The following FBXL17 variants were observed in gnomAD, a reference collection of about 807,000 sequenced individuals.
FBXL17 encodes the protein F-box/LRR-repeat protein 17.
FBXL17 carries 22 observed loss-of-function variants against 66.2 expected under a neutral mutation model. That is an observed-to-expected ratio of 0.33 (90% CI 0.24 to 0.47). The LOEUF is 0.47. Among genes scored for constraint, FBXL17 ranks in the 20% least tolerant of loss-of-function variants. The pLI, the probability that FBXL17 is intolerant of heterozygous loss-of-function variation, is 1.00. For missense variants in FBXL17, 878 were observed against 948.2 expected (o/e 0.93, Z 0.97); for synonymous variants, 474 against 400.5 (o/e 1.18, Z -2.19).
intron 7 of FBXL17, among the ~76,000 whole-genome samples, chr5:107,946,331 G>T (rs1282907952): frequency 1.8e-5 from 2 of 110,724 alleles, no homozygotes; most frequent in Non-Finnish European, 3.6e-5. Flanking sequence ...GTCTTGCTCT[G>T]CTGCCCAGGC....
intron 6 of FBXL17, among the ~76,000 whole-genome samples, chr5:108,084,918 T>C (rs1748913282): frequency 6.6e-6 from 1 of 152,244 alleles, no homozygotes; most frequent in South Asian, 2.1e-4. Flanking sequence ...ACAATTCCTA[T>C]ATGCCAGTTT....
intron 6 of FBXL17, among the ~76,000 whole-genome samples, chr5:108,183,744 T>C (rs932131436): frequency 6.6e-6 from 1 of 152,102 alleles, no homozygotes; most frequent in Non-Finnish European, 1.5e-5. Flanking sequence ...GGAGTTCCCA[T>C]GTCCATTATA....
chr5:108,047,359 C>T (rs1298887386), intron 6 of FBXL17, among the ~76,000 whole-genome samples: 1 of 152,198 alleles, frequency 6.6e-6, no homozygotes, highest in Admixed American at 6.5e-5. Flanking sequence ...CCTAGGGTCC[C>T]AACCCCAGAG....
chr5:108,009,288 T>TAG (rs1294587845), intron 7 of FBXL17, among the ~76,000 whole-genome samples: 2 of 28,754 alleles, frequency 7.0e-5, no homozygotes, highest in South Asian at 1.3e-3. Context: ...TATATATATA[T>TAG]ATATATATAT....
chr5:107,998,907 C>T (rs1379240136), intron 7 of FBXL17, among the ~76,000 whole-genome samples: 4 of 152,162 alleles, frequency 2.6e-5, no homozygotes, highest in Non-Finnish European at 4.4e-5. Flanking sequence ...ACACCTTACT[C>T]CAAACCCCCT....
intron 5 of FBXL17, among the ~76,000 whole-genome samples, chr5:108,211,551 T>C (rs1754372300): frequency 6.6e-6 from 1 of 152,244 alleles, no homozygotes; most frequent in Admixed American, 6.5e-5. Flanking sequence ...CATTTGCTTG[T>C]CTGTAAAGGA....
chr5:108,332,071 T>G (rs1760149199), intron 4 of FBXL17, among the ~76,000 whole-genome samples: 1 of 152,080 alleles, frequency 6.6e-6, no homozygotes, highest in Non-Finnish European at 1.5e-5. Context: ...TGATCAGACA[T>G]ATATACAAAT....
chr5:108,293,807 G>A (rs947131737), intron 4 of FBXL17, among the ~76,000 whole-genome samples: 1 of 151,904 alleles, frequency 6.6e-6, no homozygotes, highest in African/African-American at 2.4e-5. Context: ...TTGGGAGGCC[G>A]AGGTGGGTTG....
intron 7 of FBXL17, among the ~76,000 whole-genome samples, chr5:107,885,795 T>G (rs1302438348): frequency 1.3e-5 from 2 of 151,926 alleles, no homozygotes; most frequent in Non-Finnish European, 2.9e-5. Flanking sequence ...ACTGTGTAAC[T>G]ATAAAGGTTG....
In FBXL17 at chr5:108,158,503, G is replaced by C. The variant is rs1323502612; in HGVS notation, c.1745+27614C>G. On this transcript the variant is annotated intron_variant, in intron 6 of 8. Coordinates refer to ENST00000542267, the MANE Select transcript of FBXL17 (RefSeq NM_001163315.3). ...AGCAGTGACAGTGGGGCGTGTGTGT[G>C]TGTGTCTGTGTGTGTGTGTGTGTGT... 6.1e-5 allele frequency among the ~76,000 whole-genome samples: 6 copies of C among 98,004 alleles called. No homozygotes were observed. The Admixed American group carries it at 6.8e-4, about 11-fold the overall frequency. 64.3% of individuals were successfully genotyped at this position (98,004 alleles called of 152,430 possible).
At chr5:108,288,009 AG>A (rs1757965963) in intron 4 of FBXL17, among the ~76,000 whole-genome samples, 1 of 152,132 alleles carries the variant, frequency 6.6e-6, no homozygotes, top group Non-Finnish European at 1.5e-5. Flanking sequence ...GAACAAACAA[AG>A]GAACAGAAAA....
At chr5:108,138,754 T>A (rs1233310309) in intron 6 of FBXL17, among the ~76,000 whole-genome samples, 1 of 152,158 alleles carries the variant, frequency 6.6e-6, no homozygotes, top group East Asian at 1.9e-4. Context: ...TGAGTAAGAC[T>A]CAGTCCCCAC....
intron 7 of FBXL17, among the ~76,000 whole-genome samples, chr5:108,006,385 C>A (rs756558682): frequency 1.1e-4 from 17 of 152,126 alleles, no homozygotes; most frequent in Non-Finnish European, 1.8e-4. Flanking sequence ...TAGAGTTGAC[C>A]GGGCTTGCAA....
At chr5:108,104,871 C>T (rs1223228783) in intron 6 of FBXL17, among the ~76,000 whole-genome samples, 2 of 152,098 alleles carry the variant, frequency 1.3e-5, no homozygotes, top group South Asian at 2.1e-4. Context: ...GATGGAGTCT[C>T]GCTCTGTTGC....
At chr5:108,249,841 T>C (rs1349211875) in intron 4 of FBXL17, among the ~76,000 whole-genome samples, 1 of 152,122 alleles carries the variant, frequency 6.6e-6, no homozygotes, top group Non-Finnish European at 1.5e-5. Flanking sequence ...ACTAGGAAAG[T>C]CCTGCTGAGG....
rs374835253 is a variant in FBXL17, at chr5:107,911,011, C to A, written c.1823-29832G>T. ...GCAAAACTACATTCAATGTAATCCC[C>A]TAAAAATACCAACATGATTTTTAAG... On this transcript the variant is annotated intron_variant, in intron 7 of 8. Transcript: ENST00000542267. Among the ~76,000 whole-genome samples the A allele has an allele frequency of 8.5e-5, 13 of 152,092 alleles. No individual in the cohort carries two copies. In the East Asian group the frequency reaches 2.3e-3, roughly 27 times the overall value.
intron 6 of FBXL17, among the ~76,000 whole-genome samples, chr5:108,140,758 C>A (rs546811595): frequency 6.6e-6 from 1 of 152,096 alleles, no homozygotes; most frequent in Non-Finnish European, 1.5e-5. Context: ...CAAGGATATC[C>A]CCCAAAATTC....
At chr5:108,172,931 C>G (rs1752663154) in intron 6 of FBXL17, among the ~76,000 whole-genome samples, 1 of 152,062 alleles carries the variant, frequency 6.6e-6, no homozygotes, top group African/African-American at 2.4e-5. Context: ...TCCCAAGAAG[C>G]TGGGATTACA....
intron 6 of FBXL17, among the ~76,000 whole-genome samples, chr5:108,086,715 C>T (rs1048520805): frequency 6.6e-6 from 1 of 152,090 alleles, no homozygotes; most frequent in African/African-American, 2.4e-5. Context: ...CATATGCCAC[C>T]ACACCCAGCT....
Sources: gnomAD v4.1 joint callset for allele counts (sites outside exome capture counted in the v4.1 genomes callset) on GRCh38, gnomAD v4.1.1 for gene constraint, MANE v1.5 for transcripts, NCBI Gene and HGNC (gene_info 2026-07-23, HGNC 2026-07-21) for gene names.